SPATA31D1: variants seen among roughly 807,000 people sequenced by gnomAD.
The protein encoded by SPATA31D1 is SPATA31 subfamily D member 1, also known as spermatogenesis-associated protein 31D1.
A neutral mutation model predicts 13.2 loss-of-function variants in SPATA31D1; 6 were observed. The ratio of observed to expected loss-of-function variants is 0.46; its 90% CI spans 0.25 to 0.90. The LOEUF (loss-of-function observed/expected upper bound fraction) is 0.90. Among genes scored for constraint, SPATA31D1 ranks in the 40% least tolerant of loss-of-function variants. The pLI is 0.18. For synonymous variants in SPATA31D1, 903 were observed against 718.8 expected (o/e 1.26, Z -4.10); for missense variants, 2,445 against 1,884.7 (o/e 1.30, Z -5.50).
Position 81,992,412 on chromosome 9 carries a change from G to A in SPATA31D1, c.1942G>A (p.Glu648Lys). 6.2e-7 allele frequency: 1 copy of A among 1,613,442 alleles called. No individual in the cohort carries two copies. The highest frequency in any genetic ancestry group is 8.5e-7 in the Non-Finnish European group (1 of 1,179,738). The change falls in exon 4 of 4, where the codon GAA (glutamate) becomes AAA (lysine). Residue 648 changes from glutamate to lysine, a missense_variant. Transcript: ENST00000344803. ...ACCCTCTGTGGTTCAAAAATCCCAGGAAGACTTTTGTCCTCCAGCTCCCAA... is the reference window on the plus strand; with the variant it reads ...ACCCTCTGTGGTTCAAAAATCCCAGAAAGACTTTTGTCCTCCAGCTCCCAA... Reference protein sequence around the residue: ...GLPSVVQKSQEDFCPPAPNPE... With the variant: ...GLPSVVQKSQKDFCPPAPNPE...
Position 81,992,948 on chromosome 9 carries a change from T to A in SPATA31D1, c.2478T>A (p.Leu826=). 6.2e-7 allele frequency: 1 copy of A among 1,613,670 alleles called. No individual in the cohort carries two copies. The highest frequency in any genetic ancestry group is 2.2e-5 in the East Asian group (1 of 44,846). The change falls in exon 4 of 4, where the codon CTT becomes CTA. Residue 826 remains leucine, a synonymous_variant. Transcript: ENST00000344803. ...GGGTGAGACTAGGTCAGAAACAACT[T>A]GAAAATGCCCTGACAGTACGTTTGA... The part of the protein sequence containing the change: ...DSGVRLGQKQ[L]ENALTVRLSK...
chr9:81,994,677 C>A lies in SPATA31D1; in HGVS notation c.4207C>A (p.Gln1403Lys). ...TGCCTTTACTGGGACTACTGAAGCT[C>A]AGAAAATTAGGAAAGACACTAGGGA... ...RAAFTGTTEA[Q>K]KIRKDTREFL... is the part of the protein sequence containing the mutation. Residue 1403 changes from glutamine to lysine, a missense_variant, in exon 4 of 4, where the codon CAG becomes AAG. Coordinates refer to ENST00000344803, the MANE Select transcript of SPATA31D1 (RefSeq NM_001001670.3). 1.2e-6 allele frequency: 2 copies of A among 1,613,584 alleles called. No homozygotes were observed. Among genetic ancestry groups the A allele is most frequent in the Non-Finnish European group, 1.7e-6 (2 of 1,179,694 alleles).
At position 81,992,232 on chromosome 9, in the gene SPATA31D1, T is replaced by A. The variant is rs1219801151; in HGVS notation, c.1762T>A (p.Phe588Ile). Residue 588 changes from phenylalanine to isoleucine, a missense_variant, in exon 4 of 4, where the codon TTC (phenylalanine) becomes ATC (isoleucine). By Grantham distance (21) the Phe-to-Ile change is conservative. Coordinates refer to ENST00000344803, the MANE Select transcript of SPATA31D1 (RefSeq NM_001001670.3). ...GTCCCTGGCTCAACCTCAATCTCCA[T>A]TCCGAGCCCTACTACCTAGTCCTCT... Reference protein sequence around the residue: ...VKSLAQPQSPFRALLPSPLFL... With the variant: ...VKSLAQPQSPIRALLPSPLFL... The A allele has an allele frequency of 6.2e-7, 1 of 1,613,754 alleles. No individual in the cohort carries two copies. Among genetic ancestry groups the A allele is most frequent in the Non-Finnish European group, 8.5e-7 (1 of 1,179,718 alleles).
rs1308472458 is a variant in SPATA31D1 at position 81,993,350 on chromosome 9, C to A, written c.2880C>A (p.Val960=). The A allele has an allele frequency of 2.5e-6, 4 of 1,613,978 alleles. No individual in the cohort carries two copies. Among genetic ancestry groups the A allele is most frequent in the Non-Finnish European group, 3.4e-6 (4 of 1,179,904 alleles). ...FISQGDSKDG[V]SKSRSRSTFQ... ...CTCAGGGAGATTCCAAAGATGGGGT[C>A]TCTAAGTCCCGTAGTCGAAGCACTT... The change falls in exon 4 of 4, where the codon GTC becomes GTA. Residue 960 remains valine, a synonymous_variant. Coordinates refer to ENST00000344803, the MANE Select transcript of SPATA31D1 (RefSeq NM_001001670.3).
rs772535246 is a variant in SPATA31D1, at chr9:81,995,036, G to A, written c.4566G>A (p.Lys1522=). ...QSHPQSMPHR[K]PVPHPNPTCR... ...ATCCCCAATCCATGCCCCACAGGAAGCCTGTGCCACATCCAAACCCCACTT... is the reference window on the plus strand; with the variant it reads ...ATCCCCAATCCATGCCCCACAGGAAACCTGTGCCACATCCAAACCCCACTT... Residue 1522 remains lysine (K), a synonymous_variant, in exon 4 of 4, where the codon AAG becomes AAA. Transcript: ENST00000344803. 6.2e-6 allele frequency: 10 copies of A among 1,613,916 alleles called. No individual in the cohort carries two copies. Among genetic ancestry groups the A allele is most frequent in the Non-Finnish European group, 8.5e-6 (10 of 1,179,856 alleles).
rs1232139336 is a variant in SPATA31D1 at position 81,993,508 on chromosome 9, T to G, written c.3038T>G (p.Ile1013Arg). The G allele has an allele frequency of 6.2e-7, 1 of 1,613,110 alleles. No individual in the cohort carries two copies. The highest frequency in any genetic ancestry group is 2.2e-5 in the East Asian group (1 of 44,820). The change falls in exon 4 of 4, where the codon ATA becomes AGA. Residue 1013 changes from isoleucine to arginine, a missense_variant. Coordinates refer to ENST00000344803, the MANE Select transcript of SPATA31D1 (RefSeq NM_001001670.3). The part of the protein sequence containing the change: ...RQFSDTDHDL[I>R]ETDSKDGAST... ...TTTTCTGATACTGACCATGACCTTATAGAGACAGATTCCAAAGACGGGGCC... is the reference window on the plus strand; with the variant it reads ...TTTTCTGATACTGACCATGACCTTAGAGAGACAGATTCCAAAGACGGGGCC...
Position 81,992,702 on chromosome 9 carries a change from T to C in SPATA31D1, c.2232T>C (p.Val744=). 2 of 1,613,806 alleles carry C rather than the reference T, an allele frequency of 1.2e-6. No individual in the cohort carries two copies. Among genetic ancestry groups the C allele is most frequent in the Non-Finnish European group, 1.7e-6 (2 of 1,179,720 alleles). Residue 744 remains valine (V), a synonymous_variant, in exon 4 of 4, where the codon GTT becomes GTC. Transcript: ENST00000344803. ...ISLVEGQRCN[V]LKKSASSFPR... is the part of the protein sequence containing the mutation. The stretch of plus-strand genomic sequence containing the variant: ...TGGTTGAGGGTCAGAGGTGCAATGT[T>C]CTAAAGAAGTCCGCATCAAGCTTCC...
chr9:81,992,856 G>A lies in SPATA31D1; in HGVS notation c.2386G>A (p.Asp796Asn). ...TGGTCCGGAGACTTCTTCAGACAAG[G>A]ATCTGAGGTCTAACTCTGAGAGAGA... ...LHGPETSSDK[D>N]LRSNSERDLE... is the part of the protein sequence containing the mutation. Residue 796 changes from aspartate to asparagine, a missense_variant, in exon 4 of 4, where the codon GAT becomes AAT. By Grantham distance (23) the Asp-to-Asn change is conservative (BLOSUM62 1). Coordinates refer to ENST00000344803, the MANE Select transcript of SPATA31D1 (RefSeq NM_001001670.3). 1 of 1,613,808 alleles carries A rather than the reference G, an allele frequency of 6.2e-7. No homozygotes were observed. Among genetic ancestry groups the A allele is most frequent in the Non-Finnish European group, 8.5e-7 (1 of 1,179,726 alleles).
At position 81,994,007 on chromosome 9, in the gene SPATA31D1, C is replaced by T. The variant is rs1164860123; in HGVS notation, c.3537C>T (p.Ser1179=). 1.2e-6 allele frequency: 2 copies of T among 1,613,742 alleles called. No homozygotes were observed. Among genetic ancestry groups the T allele is most frequent in the Non-Finnish European group, 1.7e-6 (2 of 1,179,738 alleles). The change falls in exon 4 of 4, where the codon TCC becomes TCT. Residue 1179 remains serine, a synonymous_variant. Coordinates refer to ENST00000344803, the MANE Select transcript of SPATA31D1 (RefSeq NM_001001670.3). The part of the protein sequence containing the change: ...CSLTNVKAST[S]NETEIFPPRI... ...TGACAAATGTGAAAGCAAGCACTTC[C>T]AATGAAACTGAAATTTTCCCACCAA...
In SPATA31D1 at chr9:81,993,297, G is replaced by A. The variant is rs561516052; in HGVS notation, c.2827G>A (p.Asp943Asn). 5.0e-6 allele frequency: 8 copies of A among 1,613,758 alleles called. No homozygotes were observed. In the East Asian group the frequency reaches 6.7e-5, roughly 13 times the overall value. ...CCTTTCCACTTCCTTTTCCCATTTC[G>A]ACCTTCCCTCCTCAGCCACCTTCAT... Reference protein sequence around the residue: ...ADLSTSFSHFDLPSSATFISQ... With the variant: ...ADLSTSFSHFNLPSSATFISQ... Residue 943 changes from aspartate (D) to asparagine (N), a missense_variant, in exon 4 of 4, where the codon GAC becomes AAC. Physicochemically the swap from Asp to Asn is conservative, Grantham distance 23 (BLOSUM62 1). Transcript: ENST00000344803.
intron 3 of SPATA31D1, 70 bp from the exon 4 acceptor site, chr9:81,990,703 A>C (rs1309518641): frequency 6.6e-7 from 1 of 1,526,566 alleles, no homozygotes. Context: ...TGATATGGGC[A>C]GCAGGCTTTA....
At position 81,991,151 on chromosome 9, in the gene SPATA31D1, T is replaced by C. The variant is rs1468602366; in HGVS notation, c.681T>C (p.Ser227=). 2.5e-6 allele frequency: 4 copies of C among 1,613,756 alleles called. No homozygotes were observed. The highest frequency in any genetic ancestry group is 1.7e-5 in the Admixed American group (1 of 60,012). Residue 227 remains serine (S), a synonymous_variant, in exon 4 of 4, where the codon TCT becomes TCC. Transcript: ENST00000344803. ...ACCCTCTGCCACCACAGCCTGTTTC[T>C]CCCTTGGATTCCAAGTTCCCCATAG... ...LRDPLPPQPV[S]PLDSKFPIDH... is the part of the protein sequence containing the mutation.
upstream of SPATA31D1, among the ~76,000 whole-genome samples, chr9:81,987,648 G>T (rs1182846257): frequency 1.3e-5 from 2 of 152,068 alleles, no homozygotes; most frequent in Non-Finnish European, 2.9e-5. Context: ...AAGATCCCTT[G>T]AAGTTTTAAT....
At chr9:81,988,157 A>C (rs1276118058), upstream of SPATA31D1, among the ~76,000 whole-genome samples, 3 of 152,198 alleles carry the variant, frequency 2.0e-5, no homozygotes, top group Admixed American at 6.5e-5. Flanking sequence ...TCGTTAATTT[A>C]CAATAAAAAC....
Position 81,992,392 on chromosome 9 carries a change from C to A in SPATA31D1, c.1922C>A (p.Ser641Tyr), listed in dbSNP as rs1564174473. 3 of 1,613,768 alleles carry A rather than the reference C, an allele frequency of 1.9e-6. No homozygotes were observed. In the South Asian group the frequency reaches 3.3e-5, roughly 18 times the overall value. ...KVQESLWGLPSVVQKSQEDFC... is the reference protein window; with the variant it reads ...KVQESLWGLPYVVQKSQEDFC... ...CAGGAAAGTTTGTGGGGCTTACCCT[C>A]TGTGGTTCAAAAATCCCAGGAAGAC... is the stretch of plus-strand genomic sequence containing the variant. The change falls in exon 4 of 4, where the codon TCT becomes TAT. Residue 641 changes from serine (S) to tyrosine (Y), a missense_variant. Ser to Tyr is a moderately radical substitution (Grantham distance 144). Coordinates refer to ENST00000344803, the MANE Select transcript of SPATA31D1 (RefSeq NM_001001670.3).
At position 81,994,205 on chromosome 9, in the gene SPATA31D1, G is replaced by A. The variant is rs112978886; in HGVS notation, c.3735G>A (p.Ser1245=). 2.5e-6 allele frequency: 4 copies of A among 1,613,890 alleles called. No homozygotes were observed. The highest frequency in any genetic ancestry group is 2.7e-5 in the African/African-American group (2 of 74,924). ...TACTGACTAATTCCCAGGGCATCTC[G>A]AGTGGGGACATGGGAACTTCCCAGG... is the stretch of plus-strand genomic sequence containing the variant. ...KDLLTNSQGI[S]SGDMGTSQVV... is the part of the protein sequence containing the mutation. Residue 1245 remains serine (S), a synonymous_variant, in exon 4 of 4, where the codon TCG becomes TCA. Transcript: ENST00000344803.
At position 81,993,455 on chromosome 9, in the gene SPATA31D1, A is replaced by C. The variant is rs1354852122; in HGVS notation, c.2985A>C (p.Gln995His). ...ACCCTGTCTCCTCACCTGTCGTCCAAGAAGGGCAGGGGACCCTGAGAAGAC... is the reference window on the plus strand; with the variant it reads ...ACCCTGTCTCCTCACCTGTCGTCCACGAAGGGCAGGGGACCCTGAGAAGAC... ...RPHPVSSPVV[Q>H]EGQGTLRRQF... Residue 995 changes from glutamine to histidine, a missense_variant, in exon 4 of 4, where the codon CAA becomes CAC. Gln to His is a conservative substitution (Grantham distance 24). Transcript: ENST00000344803. 1.2e-6 allele frequency: 2 copies of C among 1,613,894 alleles called. No individual in the cohort carries two copies. Among genetic ancestry groups the C allele is most frequent in the Non-Finnish European group, 1.7e-6 (2 of 1,179,858 alleles).
chr9:81,991,575 T>G lies in SPATA31D1; in HGVS notation c.1105T>G (p.Ser369Ala). ...GCCTCATGCCAAGGACTCTTTTTCC[T>G]CTAATTTTGTGCCATCTGATTTCAT... ...WQPHAKDSFS[S>A]NFVPSDFMEE... Residue 369 changes from serine (S) to alanine (A), a missense_variant, in exon 4 of 4, where the codon TCT becomes GCT. By Grantham distance (99) the Ser-to-Ala change is moderately conservative. Coordinates refer to ENST00000344803, the MANE Select transcript of SPATA31D1 (RefSeq NM_001001670.3). 6.2e-7 allele frequency: 1 copy of G among 1,614,032 alleles called. No homozygotes were observed. Among genetic ancestry groups the G allele is most frequent in the Non-Finnish European group, 8.5e-7 (1 of 1,179,912 alleles).
At position 81,993,504 on chromosome 9, in the gene SPATA31D1, C is replaced by G. The variant is rs893457893; in HGVS notation, c.3034C>G (p.Leu1012Val). The change falls in exon 4 of 4, where the codon CTT (leucine) becomes GTT (valine). Residue 1012 changes from leucine (L) to valine (V), a missense_variant. Physicochemically the swap from Leu to Val is conservative, Grantham distance 32. Coordinates refer to ENST00000344803, the MANE Select transcript of SPATA31D1 (RefSeq NM_001001670.3). ...ACAATTTTCTGATACTGACCATGACCTTATAGAGACAGATTCCAAAGACGG... is the reference window on the plus strand; with the variant it reads ...ACAATTTTCTGATACTGACCATGACGTTATAGAGACAGATTCCAAAGACGG... ...RRQFSDTDHD[L>V]IETDSKDGAS... The G allele has an allele frequency of 1.2e-6, 2 of 1,613,904 alleles. No homozygotes were observed. Among genetic ancestry groups the G allele is most frequent in the Non-Finnish European group, 1.7e-6 (2 of 1,179,880 alleles).
Sources: allele counts gnomAD v4.1 joint callset (sites outside exome capture counted in the v4.1 genomes callset), GRCh38; gene constraint gnomAD v4.1.1; transcripts MANE v1.5; gene names NCBI Gene and HGNC (gene_info 2026-07-23, HGNC 2026-07-21).